The following VIRMA variants were observed in gnomAD, a reference collection of about 807,000 sequenced individuals.
VIRMA encodes the protein protein virilizer homolog.
A neutral mutation model predicts 182.4 loss-of-function variants in VIRMA; 65 were observed. The ratio of observed to expected loss-of-function variants is 0.36; its 90% CI spans 0.29 to 0.44. The LOEUF (loss-of-function observed/expected upper bound fraction) is 0.44. Ranked by LOEUF, VIRMA falls within the 20% of genes least tolerant of loss-of-function variation. VIRMA has a pLI of 1.00. For synonymous variants in VIRMA, 709 were observed against 743.1 expected (o/e 0.95, Z 0.75); for missense variants, 1,752 against 2,158.1 (o/e 0.81, Z 3.73).
At chr8:94,518,233 T>G (rs1814630092) in intron 9 of VIRMA, among the ~76,000 whole-genome samples, 1 of 152,250 alleles carries the variant, frequency 6.6e-6, no homozygotes, top group Non-Finnish European at 1.5e-5. Flanking sequence ...ACTTCATTAG[T>G]AATGAAAGGT....
chr8:94,505,470 C>A (rs1432589969), intron 16 of VIRMA, among the ~76,000 whole-genome samples: 2 of 145,232 alleles, frequency 1.4e-5, no homozygotes, highest in East Asian at 2.3e-4. Flanking sequence ...AGGTTTATAT[C>A]ATTTCTTTTT....
intron 16 of VIRMA, among the ~76,000 whole-genome samples, chr8:94,503,818 C>A (rs1814068369): frequency 6.6e-6 from 1 of 151,864 alleles, no homozygotes; most frequent in East Asian, 1.9e-4. Flanking sequence ...GTGTAACCTG[C>A]CACAGGACTA....
intron 8 of VIRMA, among the ~76,000 whole-genome samples, chr8:94,522,376 C>T (rs1814804843): frequency 1.3e-5 from 2 of 152,262 alleles, no homozygotes; most frequent in South Asian, 4.1e-4. Flanking sequence ...CAACTTCCTC[C>T]CAGGTACCTT....
chr8:94,506,726 A>G lies in VIRMA; in HGVS notation c.3880-9T>C, dbSNP rs756871979. 6.4e-7 allele frequency: 1 copy of G among 1,573,804 alleles called. No individual in the cohort carries two copies. Among genetic ancestry groups the G allele is most frequent in the Non-Finnish European group, 8.7e-7 (1 of 1,155,760 alleles). On this transcript the variant is annotated splice_polypyrimidine_tract_variant and intron_variant, in intron 15 of 23. Transcript: ENST00000297591. ...AAGATAAGTGCAATGTCCTGTGGGG[A>G]GCAGGGAAAAAAAAATCGATTTTTT...
At chr8:94,542,703 A>G (rs932681993) in intron 2 of VIRMA, among the ~76,000 whole-genome samples, 1 of 152,232 alleles carries the variant, frequency 6.6e-6, no homozygotes, top group African/African-American at 2.4e-5. Flanking sequence ...TTTCTTAAAC[A>G]TGGAAAAAAA....
At position 94,529,067 on chromosome 8, in the gene VIRMA, C is replaced by T; in HGVS notation, c.880+3G>A. On this transcript the variant is annotated splice_donor_region_variant and intron_variant, in intron 7 of 23. Transcript: ENST00000297591. The stretch of plus-strand genomic sequence containing the variant: ...CCCCAAAGTCCTAGCTAACATAACC[C>T]ACCTTCACCTTCTTCATCCTCTTCA... The T allele has an allele frequency of 5.6e-6, 9 of 1,609,708 alleles. No individual in the cohort carries two copies. The Middle Eastern group carries it at 1.5e-3, about 266-fold the overall frequency.
In VIRMA at chr8:94,526,698, CTTCT is replaced by C; in HGVS notation, c.1542_1545del (p.Gly516TrpfsTer5). The C allele has an allele frequency of 6.2e-7, 1 of 1,613,716 alleles. No individual in the cohort carries two copies. The highest frequency in any genetic ancestry group is 8.5e-7 in the Non-Finnish European group (1 of 1,179,960). ...CTACCTCTTAAAAAAGCTTCCATTCCTTCTGTCATACTAATGACACTGTCCAAAG... is the reference window on the plus strand; with the variant it reads ...CTACCTCTTAAAAAAGCTTCCATTCCGTCATACTAATGACACTGTCCAAAG... On this transcript the variant is annotated frameshift_variant, in exon 8 of 24. Transcript: ENST00000297591. LOFTEE classifies it high-confidence loss of function.
Position 94,491,713 on chromosome 8 carries a change from C to A in VIRMA, c.5005G>T (p.Asp1669Tyr). The change falls in exon 22 of 24, where the codon GAT (aspartate) becomes TAT (tyrosine). Residue 1669 changes from aspartate (D) to tyrosine (Y), a missense_variant. Asp to Tyr is a radical substitution (Grantham distance 160). Transcript: ENST00000297591. The part of the protein sequence containing the change: ...AAESKEVVPQ[D>Y]GIPPPKRPLK... ...GGCCGTTTTGGTGGAGGTATTCCAT[C>A]TTGAGGAACCACTTCTTTACTTTCA... 3.1e-6 allele frequency: 5 copies of A among 1,614,172 alleles called. No homozygotes were observed. Among genetic ancestry groups the A allele is most frequent in the Non-Finnish European group, 4.2e-6 (5 of 1,180,038 alleles).
chr8:94,528,028 T>A (rs1586096634), intron 7 of VIRMA, among the ~76,000 whole-genome samples: 1 of 151,118 alleles, frequency 6.6e-6, no homozygotes, highest in East Asian at 1.9e-4. Flanking sequence ...AGGTCAGGAG[T>A]CCGAGACCAG....
intron 2 of VIRMA, among the ~76,000 whole-genome samples, chr8:94,542,600 G>A (rs1367581943): frequency 6.6e-6 from 1 of 152,080 alleles, no homozygotes; most frequent in Non-Finnish European, 1.5e-5. Flanking sequence ...GAAGACTGTT[G>A]GATATACTAT....
intron 7 of VIRMA, among the ~76,000 whole-genome samples, chr8:94,527,755 C>CA (rs1815024615): frequency 2.1e-5 from 3 of 140,306 alleles, no homozygotes; most frequent in Admixed American, 1.6e-4. Context: ...ATTTTTAAGA[C>CA]CAAAAAAAAC....
In VIRMA at chr8:94,526,384, A is replaced by G. The variant is rs1814966781; in HGVS notation, c.1860T>C (p.Ser620=). The change falls in exon 8 of 24, where the codon AGT becomes AGC. Residue 620 remains serine (S), a synonymous_variant. Coordinates refer to ENST00000297591, the MANE Select transcript of VIRMA (RefSeq NM_015496.5). Reference sequence around the variant, plus strand: ...TAATAAGCCTTTCTATTTCCCCTTCACTTATATTTGAGGATTCCAAAAGAT... The same window carrying G: ...TAATAAGCCTTTCTATTTCCCCTTCGCTTATATTTGAGGATTCCAAAAGAT... The part of the protein sequence containing the change: ...DMDLLESSNI[S]EGEIERLINL... 6.2e-7 allele frequency: 1 copy of G among 1,614,036 alleles called. No individual in the cohort carries two copies. The highest frequency in any genetic ancestry group is 8.5e-7 in the Non-Finnish European group (1 of 1,179,980).
intron 14 of VIRMA, 21 bp downstream of exon 14, chr8:94,510,396 T>C: frequency 6.3e-7 from 1 of 1,588,176 alleles, no homozygotes; most frequent in Non-Finnish European, 8.6e-7. Context: ...GGAAAAAATT[T>C]TTAATGCAAA....
At chr8:94,532,002 T>C (rs1586100967) in intron 5 of VIRMA, among the ~76,000 whole-genome samples, 1 of 152,144 alleles carries the variant, frequency 6.6e-6, no homozygotes, top group East Asian at 1.9e-4. Context: ...AACAGATTAG[T>C]GGCTGCCAAA....
rs770302336 is a variant in VIRMA, at chr8:94,506,610, A to G, written c.3987T>C (p.Cys1329=). Reference sequence around the variant, plus strand: ...CAGAGTTAGCTAGCGTAGCCAACAGACAGTCACAGATTGAGGTCATCAATT... The same window carrying G: ...CAGAGTTAGCTAGCGTAGCCAACAGGCAGTCACAGATTGAGGTCATCAATT... ...NKELMTSICD[C]LLATLANSES... Residue 1329 remains cysteine, a synonymous_variant, in exon 16 of 24, where the codon TGT becomes TGC. Transcript: ENST00000297591. 12 of 1,613,600 alleles carry G rather than the reference A, an allele frequency of 7.4e-6. No individual in the cohort carries two copies. The highest frequency in any genetic ancestry group is 1.0e-5 in the Non-Finnish European group (12 of 1,179,544).
intron 4 of VIRMA, among the ~76,000 whole-genome samples, chr8:94,535,808 C>T (rs1487007894): frequency 1.3e-5 from 2 of 151,922 alleles, no homozygotes; most frequent in Non-Finnish European, 2.9e-5. Context: ...TAAAGGAACC[C>T]AGAGGCATTA....
At chr8:94,543,455 T>C (rs74827133) in intron 2 of VIRMA, among the ~76,000 whole-genome samples, 4,573 of 128,602 alleles carry the variant, frequency 0.036, 96 homozygotes, top group Non-Finnish European at 0.053. Context: ...AATAGTAAGA[T>C]ACACTTATAA....
At chr8:94,542,990 C>T (rs963067708) in intron 2 of VIRMA, among the ~76,000 whole-genome samples, 4 of 152,054 alleles carry the variant, frequency 2.6e-5, no homozygotes, top group Admixed American at 6.6e-5. Context: ...CTCACCACAA[C>T]CTCCGCCTCC....
intron 15 of VIRMA, among the ~76,000 whole-genome samples, chr8:94,508,802 T>A (rs1369940126): frequency 6.6e-6 from 1 of 151,926 alleles, no homozygotes. Context: ...GACTCTATTC[T>A]GCCTGAAAAA....
Sources: gnomAD v4.1 joint callset for allele counts (sites outside exome capture counted in the v4.1 genomes callset) on GRCh38, gnomAD v4.1.1 for gene constraint, MANE v1.5 for transcripts, NCBI Gene and HGNC (gene_info 2026-07-23, HGNC 2026-07-21) for gene names.